The following SNTG2 variants were observed in gnomAD, a reference collection of about 807,000 sequenced individuals.
The protein encoded by SNTG2 is syntrophin gamma 2.
SNTG2 carries 74 observed loss-of-function variants against 70.9 expected under a neutral mutation model. The ratio of observed to expected loss-of-function variants is 1.04; its 90% CI spans 0.86 to 1.27. The LOEUF is 1.27. SNTG2 is among the 50% of genes most tolerant of loss of function. The pLI is 0.00. For synonymous variants in SNTG2, 278 were observed against 273.8 expected, an observed-to-expected ratio of 1.02 and a Z score of -0.15; for missense variants, 717 against 690.7, an observed-to-expected ratio of 1.04 and a Z score of -0.43.
At chr2:1,039,906 G>C (rs1198687515) in intron 1 of SNTG2, among the ~76,000 whole-genome samples, 1 of 152,064 alleles carries the variant, frequency 6.6e-6, no homozygotes, top group Non-Finnish European at 1.5e-5. Context: ...CGGCTGTCCT[G>C]GGCACACGCT....
chr2:1,114,820 G>C (rs973632317), intron 4 of SNTG2, among the ~76,000 whole-genome samples: 2 of 152,138 alleles, frequency 1.3e-5, no homozygotes, highest in Non-Finnish European at 2.9e-5. Context: ...AGTCCTTTGA[G>C]GAGGATTGTG....
intron 8 of SNTG2, among the ~76,000 whole-genome samples, chr2:1,186,901 T>C (rs1489656584): frequency 6.6e-6 from 1 of 152,176 alleles, no homozygotes; most frequent in Non-Finnish European, 1.5e-5. Flanking sequence ...CTACTAGATA[T>C]TATAAATATT....
At chr2:1,044,065 G>A (rs531962426) in intron 1 of SNTG2, among the ~76,000 whole-genome samples, 230 of 152,068 alleles carry the variant, frequency 1.5e-3, no homozygotes, top group African/African-American at 5.2e-3. Flanking sequence ...TTATTTGTTT[G>A]GGTCATCTCT....
chr2:1,156,536 T>C (rs1325232260), intron 6 of SNTG2, among the ~76,000 whole-genome samples: 1 of 152,112 alleles, frequency 6.6e-6, no homozygotes, highest in African/African-American at 2.4e-5. Flanking sequence ...TGAACCGTCA[T>C]GAATTTAGAG....
At chr2:1,284,050 C>G (rs1386963216) in intron 14 of SNTG2, among the ~76,000 whole-genome samples, 3 of 152,168 alleles carry the variant, frequency 2.0e-5, no homozygotes, top group Non-Finnish European at 2.9e-5. Context: ...CTGAGTATTG[C>G]TCTTGGTGCC....
chr2:964,028 A>C (rs931112039), intron 1 of SNTG2, among the ~76,000 whole-genome samples: 1 of 152,146 alleles, frequency 6.6e-6, no homozygotes, highest in Non-Finnish European at 1.5e-5. Flanking sequence ...CGATCCACGC[A>C]GTCACAGTGT....
chr2:954,145 C>G (rs940416890), intron 1 of SNTG2, among the ~76,000 whole-genome samples: 1 of 152,196 alleles, frequency 6.6e-6, no homozygotes, highest in South Asian at 2.1e-4. Context: ...GGCTCTGCTG[C>G]GCACCCCTAG....
Position 1,068,652 on chromosome 2 carries a change from CAA to C in SNTG2, c.73-14863_73-14862del, listed in dbSNP as rs752940538. On this transcript the variant is annotated intron_variant, in intron 1 of 16. Coordinates refer to ENST00000308624, the MANE Select transcript of SNTG2 (RefSeq NM_018968.4). ...TGGATTTTAGCTTCAATATTAATAA[CAA>C]AAGCTCTTTTGACAGTTGCTTAAAA... Among the ~76,000 whole-genome samples the C allele has an allele frequency of 2.0e-5, 3 of 152,292 alleles. No individual in the cohort carries two copies. The South Asian group carries it at 6.2e-4, about 32-fold the overall frequency.
chr2:1,355,819 A>C (rs1351548045), intron 16 of SNTG2, among the ~76,000 whole-genome samples: 1 of 152,210 alleles, frequency 6.6e-6, no homozygotes, highest in Non-Finnish European at 1.5e-5. Flanking sequence ...CAAGGGTTGC[A>C]GCTTCTCCAC....
At chr2:1,265,569 G>A (rs72770631) in intron 13 of SNTG2, among the ~76,000 whole-genome samples, 5,691 of 152,298 alleles carry the variant, frequency 0.037, 227 homozygotes, top group East Asian at 0.21. Flanking sequence ...GCATCCCCCC[G>A]GAGAGTCCAG....
At chr2:1,291,498 T>G (rs1679991752) in intron 14 of SNTG2, among the ~76,000 whole-genome samples, 1 of 152,194 alleles carries the variant, frequency 6.6e-6, no homozygotes, top group Non-Finnish European at 1.5e-5. Context: ...ATTTAGAGTT[T>G]TGGTCTGTTT....
At chr2:1,173,697 G>C (rs532027762) in intron 8 of SNTG2, among the ~76,000 whole-genome samples, 1 of 152,212 alleles carries the variant, frequency 6.6e-6, no homozygotes, top group African/African-American at 2.4e-5. Flanking sequence ...CCTGGGCTCT[G>C]AGAGAACCTG....
intron 1 of SNTG2, among the ~76,000 whole-genome samples, chr2:951,558 T>TAGAGC (rs1659963965): frequency 6.6e-6 from 1 of 152,218 alleles, no homozygotes; most frequent in African/African-American, 2.4e-5. Flanking sequence ...CTGGGGGCTC[T>TAGAGC]AGGCCATTCG....
intron 12 of SNTG2, among the ~76,000 whole-genome samples, chr2:1,255,884 A>AT (rs1558602742): frequency 1.2e-4 from 11 of 90,404 alleles, no homozygotes; most frequent in Non-Finnish European, 1.7e-4. Flanking sequence ...ATATATATAT[A>AT]AATATATATA....
intron 4 of SNTG2, among the ~76,000 whole-genome samples, chr2:1,112,514 G>A (rs1031941323): frequency 6.6e-6 from 1 of 151,438 alleles, no homozygotes; most frequent in African/African-American, 2.4e-5. Flanking sequence ...ACTAAGTGAG[G>A]TGTAACCCTT....
At chr2:1,133,337 A>G (rs188640419) in intron 4 of SNTG2, among the ~76,000 whole-genome samples, 4 of 152,352 alleles carry the variant, frequency 2.6e-5, no homozygotes, top group Admixed American at 1.3e-4. Context: ...AGAAAACACA[A>G]TTATGTTCAC....
chr2:1,220,422 T>A (rs1370331422), intron 9 of SNTG2, among the ~76,000 whole-genome samples: 1 of 152,198 alleles, frequency 6.6e-6, no homozygotes, highest in Non-Finnish European at 1.5e-5. Context: ...CAGGGACCTA[T>A]GGGACCTTTG....
intron 8 of SNTG2, among the ~76,000 whole-genome samples, chr2:1,199,893 A>T (rs1673170685): frequency 6.6e-6 from 1 of 152,102 alleles, no homozygotes; most frequent in Non-Finnish European, 1.5e-5. Context: ...AAGACATCTC[A>T]TACTCATGGA....
intron 4 of SNTG2, among the ~76,000 whole-genome samples, chr2:1,119,089 A>C (rs1667220121): frequency 6.6e-6 from 1 of 152,210 alleles, no homozygotes; most frequent in Non-Finnish European, 1.5e-5. Flanking sequence ...CTCAGCAGAA[A>C]ACTTGAAAGC....
Sources: gnomAD v4.1 joint callset for allele counts (sites outside exome capture counted in the v4.1 genomes callset) on GRCh38, gnomAD v4.1.1 for gene constraint, MANE v1.5 for transcripts, NCBI Gene and HGNC (gene_info 2026-07-23, HGNC 2026-07-21) for gene names.